NCOA2: variants seen among roughly 807,000 people sequenced by gnomAD.
The protein encoded by NCOA2 is class E basic helix-loop-helix protein 75.
In NCOA2, 21 loss-of-function variants were observed where a neutral mutation model predicts 145.1. The observed-to-expected ratio is 0.14, with a 90% confidence interval of 0.10 to 0.21. The LOEUF (loss-of-function observed/expected upper bound fraction) is 0.21, where lower values mean the gene tolerates loss of function less well. Among genes scored for constraint, NCOA2 ranks in the 10% least tolerant of loss-of-function variants. The pLI, the probability that NCOA2 is intolerant of heterozygous loss-of-function variation, is 1.00. For synonymous variants in NCOA2, 619 were observed against 637.5 expected, an observed-to-expected ratio of 0.97 and a Z score of 0.44; for missense variants, 1,472 against 1,837.6, an observed-to-expected ratio of 0.80 and a Z score of 3.64.
intron 1 of NCOA2, among the ~76,000 whole-genome samples, chr8:70,310,153 C>T (rs1396144844): frequency 6.6e-6 from 1 of 151,712 alleles, no homozygotes; most frequent in African/African-American, 2.4e-5. Flanking sequence ...CAGCAAGGGG[C>T]CAAGATGGTG....
intron 11 of NCOA2, 62 bp downstream of exon 11, chr8:70,155,909 A>T: frequency 7.5e-7 from 1 of 1,333,768 alleles, no homozygotes; most frequent in Admixed American, 2.5e-5. Flanking sequence ...AAATGCCCCT[A>T]TGGAGAAAAT....
intron 1 of NCOA2, among the ~76,000 whole-genome samples, chr8:70,335,727 T>C (rs1180935869): frequency 6.6e-6 from 1 of 152,140 alleles, no homozygotes; most frequent in Non-Finnish European, 1.5e-5. Flanking sequence ...AGGGATACCT[T>C]CCAAGAAATG....
At chr8:70,311,776 A>C (rs970568748) in intron 1 of NCOA2, among the ~76,000 whole-genome samples, 1 of 152,186 alleles carries the variant, frequency 6.6e-6, no homozygotes, top group Non-Finnish European at 1.5e-5. Context: ...CCTCAGTGAC[A>C]AAAGGAGAGA....
intron 4 of NCOA2, among the ~76,000 whole-genome samples, chr8:70,179,310 C>T (rs190854560): frequency 5.9e-5 from 9 of 152,190 alleles, no homozygotes. Context: ...CCAATGTAAT[C>T]GGAATCTAAA....
At chr8:70,362,911 C>A (rs1204148026) in intron 1 of NCOA2, among the ~76,000 whole-genome samples, 3 of 151,204 alleles carry the variant, frequency 2.0e-5, no homozygotes, top group African/African-American at 7.3e-5. Flanking sequence ...AACCCCGTCT[C>A]TACAAAAAAC....
intron 22 of NCOA2, among the ~76,000 whole-genome samples, chr8:70,115,004 T>C (rs1026779597): frequency 2.0e-5 from 3 of 152,206 alleles, no homozygotes; most frequent in Non-Finnish European, 4.4e-5. Context: ...TACTTTATAA[T>C]ATAAAGCTGA....
At chr8:70,282,231 C>T (rs1449307877) in intron 2 of NCOA2, among the ~76,000 whole-genome samples, 2 of 152,080 alleles carry the variant, frequency 1.3e-5, no homozygotes, top group Admixed American at 1.3e-4. Context: ...TTCATTATAT[C>T]CAACTAGATG....
intron 1 of NCOA2, among the ~76,000 whole-genome samples, chr8:70,382,497 A>G (rs1229758142): frequency 6.6e-6 from 1 of 152,204 alleles, no homozygotes; most frequent in Admixed American, 6.5e-5. Flanking sequence ...CCATGTTGGG[A>G]AAGTTTGAAT....
intron 4 of NCOA2, among the ~76,000 whole-genome samples, chr8:70,199,595 C>A (rs569219300): frequency 6.6e-6 from 1 of 152,076 alleles, no homozygotes; most frequent in African/African-American, 2.4e-5. Flanking sequence ...GAGGGGCACA[C>A]AGGCCAGAGT....
intron 1 of NCOA2, among the ~76,000 whole-genome samples, chr8:70,332,094 A>G (rs1807162475): frequency 6.6e-6 from 1 of 152,232 alleles, no homozygotes; most frequent in African/African-American, 2.4e-5. Flanking sequence ...TTTTACTAAA[A>G]ACAAAAGTAT....
At chr8:70,370,225 A>G (rs1286565582) in intron 1 of NCOA2, among the ~76,000 whole-genome samples, 1 of 152,168 alleles carries the variant, frequency 6.6e-6, no homozygotes, top group Non-Finnish European at 1.5e-5. Flanking sequence ...AAAAGGCGAG[A>G]GCAATTAAGA....
rs982933749 is a variant in NCOA2, at chr8:70,111,997, T to C, written c.*1635A>G. 1 of 218,710 alleles carries C rather than the reference T, an allele frequency of 4.6e-6. No homozygotes were observed. The highest frequency in any genetic ancestry group is 9.2e-6 in the Non-Finnish European group (1 of 108,714). The allele number at this position is 218,710 out of a possible 1,614,324, so 13.5% of individuals were successfully genotyped here. A position where few individuals can be genotyped will look rare whatever the true frequency, so the allele number is the denominator to read the frequency against. ...GGAGTTGTCTGAAACTGACACCTAT[T>C]AATAAAAGATTTTTCCCCTACCAGA... On this transcript the variant is annotated 3_prime_UTR_variant, in exon 23 of 23. Transcript: ENST00000452400.
At chr8:70,133,958 C>T (rs1809450175) in intron 15 of NCOA2, among the ~76,000 whole-genome samples, 1 of 152,200 alleles carries the variant, frequency 6.6e-6, no homozygotes, top group Non-Finnish European at 1.5e-5. Flanking sequence ...GCGTCACCTG[C>T]TTCCCCGACT....
intron 1 of NCOA2, among the ~76,000 whole-genome samples, chr8:70,348,830 C>T (rs968252579): frequency 1.3e-5 from 2 of 152,006 alleles, no homozygotes; most frequent in African/African-American, 4.8e-5. Flanking sequence ...AGGAGATACC[C>T]AGGGAGAAAT....
intron 4 of NCOA2, among the ~76,000 whole-genome samples, chr8:70,177,605 G>A (rs1040671513): frequency 6.6e-6 from 1 of 152,138 alleles, no homozygotes; most frequent in African/African-American, 2.4e-5. Context: ...ATGGGAAAGG[G>A]TTTCCTAAAA....
Position 70,197,611 on chromosome 8 carries a change from G to A in NCOA2, c.259+16292C>T, listed in dbSNP as rs557282624. 1.7e-4 allele frequency among the ~76,000 whole-genome samples: 26 copies of A among 152,286 alleles called. No individual in the cohort carries two copies. The South Asian group carries it at 4.6e-3, about 27-fold the overall frequency. On this transcript the variant is annotated intron_variant, in intron 4 of 22. Transcript: ENST00000452400. ...GATATCTGGCCAATGTGTCCTGAAC[G>A]TAAGTATGAATTAATAAGAAATCAC...
the NCOA2 span, among the ~76,000 whole-genome samples, chr8:70,453,355 G>A: frequency 1.5e-3 from 221 of 152,314 alleles, no homozygotes; most frequent in African/African-American, 5.0e-3. Context: ...CTAGGCTCAC[G>A]CAGAAATTAC....
At chr8:70,208,449 T>C (rs1005516475) in intron 4 of NCOA2, among the ~76,000 whole-genome samples, 19 of 152,218 alleles carry the variant, frequency 1.2e-4, no homozygotes, top group Admixed American at 5.2e-4. Context: ...CTAAGATCAT[T>C]AATGAAGGTG....
At position 70,336,922 on chromosome 8, in the gene NCOA2, G is replaced by T. The variant is rs183826638; in HGVS notation, c.-76-40122C>A. Among the ~76,000 whole-genome samples, 249 of 152,198 alleles carry T rather than the reference G, an allele frequency of 1.6e-3. 1 individual carries two copies. Among genetic ancestry groups the T allele is most frequent in the Non-Finnish European group, 2.2e-3 (153 of 68,012 alleles). On this transcript the variant is annotated intron_variant, in intron 1 of 22. Transcript: ENST00000452400. ...TGCTGTGAACACAGGTGTCCACTCTGGAGGGGCCATGTGAAGAGGGGAGAG... is the reference window on the plus strand; with the variant it reads ...TGCTGTGAACACAGGTGTCCACTCTTGAGGGGCCATGTGAAGAGGGGAGAG...
Sources: allele counts gnomAD v4.1 joint callset (sites outside exome capture counted in the v4.1 genomes callset), GRCh38; gene constraint gnomAD v4.1.1; transcripts MANE v1.5; gene names NCBI Gene and HGNC (gene_info 2026-07-23, HGNC 2026-07-21).